The following PRH1 variants were observed in gnomAD, a reference collection of about 807,000 sequenced individuals.
The protein encoded by PRH1 is salivary acidic proline-rich phosphoprotein 1/2.
Under a neutral mutation model 7.9 loss-of-function variants are expected in PRH1, and 7 were observed. The ratio of observed to expected loss-of-function variants is 0.89; its 90% confidence interval spans 0.50 to 1.67. The LOEUF (loss-of-function observed/expected upper bound fraction) is 1.67. PRH1 is among the 40% of genes most tolerant of loss of function. PRH1 has a pLI of 0.00. For missense variants in PRH1, 109 were observed against 223.6 expected (o/e 0.49, Z 3.27); for synonymous variants, 45 against 80.8 (o/e 0.56, Z 2.38).
chr12:10,984,400 A>AACTCTT, intron 1 of PRH1, among the ~76,000 whole-genome samples: 1 of 152,202 alleles, frequency 6.6e-6, no homozygotes, highest in African/African-American at 2.4e-5. Flanking sequence ...AGTTGAAACC[A>AACTCTT]GAAAATAAAA....
intron 2 of PRH1, among the ~76,000 whole-genome samples, chr12:10,952,350 T>C (rs1565495408): frequency 1.3e-5 from 2 of 152,084 alleles, no homozygotes; most frequent in South Asian, 4.2e-4. Context: ...ACAAGGCGAG[T>C]CTTTACGTGT....
intron 2 of PRH1, chr12:10,929,294 A>T (rs1950167449): frequency 6.2e-7 from 1 of 1,614,186 alleles, no homozygotes; most frequent in East Asian, 2.2e-5. Context: ...TTCTGCTGTC[A>T]GTGGCCCTGC....
At chr12:10,986,249 T>C (rs1565523177) in intron 1 of PRH1, 3 of 1,614,078 alleles carry the variant, frequency 1.9e-6, no homozygotes, top group Non-Finnish European at 2.5e-6. Context: ...TCTTGAGATG[T>C]TTACACAGAG....
chr12:10,891,480 T>G (rs2135793612), intron 2 of PRH1: 1 of 152,344 alleles, frequency 6.6e-6, no homozygotes, highest in East Asian at 1.9e-4. Flanking sequence ...AATATTTATT[T>G]ACCAATTACA....
At chr12:11,047,215 GAA>G (rs1942935508), upstream of PRH1, 4 of 335,564 alleles carry the variant, frequency 1.2e-5, no homozygotes, top group Admixed American at 1.0e-4. Context: ...AATAAAAATA[GAA>G]AGAGATGCTT....
At chr12:11,106,192 G>A (rs1374731073) in intron 1 of PRH1, among the ~76,000 whole-genome samples, 1 of 46,714 alleles carries the variant, frequency 2.1e-5, no homozygotes, top group Non-Finnish European at 6.5e-5. Flanking sequence ...CGCCCGCCTC[G>A]GCCTCCCAAA....
At chr12:11,144,566 C>T (rs34685506) in intron 1 of PRH1, among the ~76,000 whole-genome samples, 3 of 152,118 alleles carry the variant, frequency 2.0e-5, no homozygotes, top group Non-Finnish European at 4.4e-5. Flanking sequence ...CAGCCTGTGA[C>T]GTCTGCATGC....
At chr12:11,025,021 ATT>A (rs34435271) in intron 1 of PRH1, among the ~76,000 whole-genome samples, 8 of 139,368 alleles carry the variant, frequency 5.7e-5, no homozygotes, top group Admixed American at 1.4e-4. Flanking sequence ...ATTGTCATTA[ATT>A]TTTTTTTTTT....
rs748457693 is a variant in PRH1, at chr12:10,930,779, C to A, written c.-59+42876G>T. ...CAGAATGATGGCCCTCAGCAGGGAC[C>A]ACCCCAACAAGGAGGCCAGCAGCAA... On this transcript the variant is annotated intron_variant, in intron 2 of 3. Coordinates refer to the PRH1 transcript ENST00000539853. 3 of 1,609,238 alleles carry A rather than the reference C, an allele frequency of 1.9e-6. 1 individual carries two copies. The highest frequency in any genetic ancestry group is 2.6e-6 in the Non-Finnish European group (3 of 1,176,424).
chr12:11,000,231 TTTA>T (rs1343911308), intron 1 of PRH1, among the ~76,000 whole-genome samples: 7 of 152,148 alleles, frequency 4.6e-5, no homozygotes, highest in Admixed American at 4.6e-4. Context: ...ACGCTATTAT[TTTA>T]TTCAGTCAAC....
At chr12:10,996,114 G>A (rs1044609269) in intron 1 of PRH1, among the ~76,000 whole-genome samples, 3 of 151,360 alleles carry the variant, frequency 2.0e-5, no homozygotes, top group South Asian at 2.1e-4. Flanking sequence ...TCAAGAGTTC[G>A]AGACCAGCCT....
chr12:11,044,346 T>A (rs1224951871), intron 1 of PRH1, among the ~76,000 whole-genome samples: 1 of 152,040 alleles, frequency 6.6e-6, no homozygotes, highest in Non-Finnish European at 1.5e-5. Flanking sequence ...TAAGAAAACT[T>A]CAGAGAAACT....
intron 2 of PRH1, among the ~76,000 whole-genome samples, chr12:10,898,910 T>C (rs900363240): frequency 6.6e-6 from 1 of 152,138 alleles, no homozygotes; most frequent in Non-Finnish European, 1.5e-5. Context: ...GTTGCGGAGA[T>C]GAGAGAGTGA....
At chr12:11,136,637 T>C (rs1242520382) in intron 1 of PRH1, among the ~76,000 whole-genome samples, 1 of 152,230 alleles carries the variant, frequency 6.6e-6, no homozygotes, top group East Asian at 1.9e-4. Flanking sequence ...CAAGACATTA[T>C]TATTTTATAC....
intron 1 of PRH1, among the ~76,000 whole-genome samples, chr12:11,108,489 G>A (rs191127419): frequency 1.3e-5 from 2 of 152,170 alleles, no homozygotes; most frequent in Non-Finnish European, 1.5e-5. Flanking sequence ...ACTGGGACTG[G>A]TTAGACAGCG....
Position 11,168,301 on chromosome 12 carries a change from AAG to A in PRH1, n.39+3119_39+3120del, listed in dbSNP as rs1947680397. ...GAAAGAAAGAAAGAAAGAAAGAAAG[AAG>A]GAAGGAAGGAAGGAAGGAAGGAAGG... On this transcript the variant is annotated intron_variant and non_coding_transcript_variant, in intron 1 of 1. Coordinates refer to the PRH1 transcript ENST00000541175. Among the ~76,000 whole-genome samples, 2 of 48,780 alleles carry A rather than the reference AAG, an allele frequency of 4.1e-5. 1 individual carries two copies. Among genetic ancestry groups the A allele is most frequent in the Non-Finnish European group, 1.1e-4 (2 of 18,248 alleles). 32.0% of individuals were successfully genotyped at this position (48,780 alleles called of 152,430 possible). A position where few individuals can be genotyped will look rare whatever the true frequency, so the allele number is the denominator to read the frequency against.
At chr12:11,007,976 T>C (rs1055991485) in intron 1 of PRH1, among the ~76,000 whole-genome samples, 1 of 152,104 alleles carries the variant, frequency 6.6e-6, no homozygotes, top group African/African-American at 2.4e-5. Flanking sequence ...TGCTAAATGA[T>C]AGAAATACTT....
At chr12:11,057,235 G>T (rs796466295) in intron 1 of PRH1, among the ~76,000 whole-genome samples, 2 of 130,930 alleles carry the variant, frequency 1.5e-5, no homozygotes, top group African/African-American at 5.3e-5. Flanking sequence ...TGCTCTCAAG[G>T]GATTCTCCCA....
chr12:10,898,670 AGAG>A (rs1352721711), intron 2 of PRH1, among the ~76,000 whole-genome samples: 1 of 152,218 alleles, frequency 6.6e-6, no homozygotes, highest in African/African-American at 2.4e-5. Flanking sequence ...ATATAAGTAG[AGAG>A]GGTCAATAGA....
Sources: allele counts gnomAD v4.1 joint callset (sites outside exome capture counted in the v4.1 genomes callset), GRCh38; gene constraint gnomAD v4.1.1; transcripts MANE v1.5; gene names NCBI Gene and HGNC (gene_info 2026-07-23, HGNC 2026-07-21).